ROBO1: variants seen among roughly 807,000 people sequenced by gnomAD.
ROBO1 encodes roundabout guidance receptor 1.
Under a neutral mutation model 195.9 loss-of-function variants are expected in ROBO1, and 149 were observed. The ratio of observed to expected loss-of-function variants is 0.76; its 90% CI spans 0.67 to 0.87. ROBO1 has a LOEUF of 0.87. Among genes scored for constraint, ROBO1 ranks in the 40% least tolerant of loss-of-function variants. The probability of loss-of-function intolerance (pLI) is 0.00; values close to 1 mark genes in which losing one functional copy is unlikely to be tolerated. For missense variants in ROBO1, 1,933 were observed against 2,068.3 expected (o/e 0.93, Z 1.27); for synonymous variants, 816 against 733.2 (o/e 1.11, Z -1.82).
At chr3:79,437,857 T>C (rs2038936685) in intron 2 of ROBO1, among the ~76,000 whole-genome samples, 1 of 151,986 alleles carries the variant, frequency 6.6e-6, no homozygotes, top group Non-Finnish European at 1.5e-5. Context: ...ATTCAAGTTG[T>C]ACACTTGGTG....
chr3:79,194,077 C>A (rs748358107), intron 2 of ROBO1, among the ~76,000 whole-genome samples: 1 of 151,604 alleles, frequency 6.6e-6, no homozygotes, highest in Non-Finnish European at 1.5e-5. Context: ...TAAATAAATA[C>A]GTAGAGTGGA....
At chr3:78,750,495 A>T (rs902326874) in intron 4 of ROBO1, among the ~76,000 whole-genome samples, 18 of 134,006 alleles carry the variant, frequency 1.3e-4, no homozygotes, top group African/African-American at 5.6e-4. Flanking sequence ...ATAAATAAAT[A>T]AATAAAATAA....
At chr3:78,839,054 G>A (rs2032974715) in intron 4 of ROBO1, among the ~76,000 whole-genome samples, 1 of 151,988 alleles carries the variant, frequency 6.6e-6, no homozygotes, top group Non-Finnish European at 1.5e-5. Flanking sequence ...TCATTTTTTA[G>A]GTCTATCATT....
chr3:78,683,198 G>T (rs1335280588), intron 10 of ROBO1, among the ~76,000 whole-genome samples: 1 of 151,930 alleles, frequency 6.6e-6, no homozygotes, highest in African/African-American at 2.4e-5. Flanking sequence ...CAAAATATGT[G>T]CAAAGCCTTT....
chr3:78,999,113 T>C (rs547547139), intron 3 of ROBO1, among the ~76,000 whole-genome samples: 4 of 152,170 alleles, frequency 2.6e-5, no homozygotes, highest in African/African-American at 9.6e-5. Flanking sequence ...TTATACACTG[T>C]TGGTGGGAAT....
At position 78,786,568 on chromosome 3, in the gene ROBO1, G is replaced by A. The variant is rs1329562171; in HGVS notation, c.500-39668C>T. Among the ~76,000 whole-genome samples the A allele has an allele frequency of 2.0e-5, 3 of 152,156 alleles. No individual in the cohort carries two copies. In the East Asian group the frequency reaches 5.8e-4, roughly 29 times the overall value. On this transcript the variant is annotated intron_variant, in intron 4 of 30. Transcript: ENST00000464233. ...CTCCCATAATCTCCACATGTCGTGG[G>A]AGGGACCCGGTAGGAGGTAATTACA...
At chr3:78,615,030 C>A (rs532957276) in intron 27 of ROBO1, among the ~76,000 whole-genome samples, 1 of 152,114 alleles carries the variant, frequency 6.6e-6, no homozygotes, top group African/African-American at 2.4e-5. Flanking sequence ...TGTTTTAAAC[C>A]GCAGTGCTTT....
intron 4 of ROBO1, among the ~76,000 whole-genome samples, chr3:78,857,236 A>C (rs557340566): frequency 6.6e-6 from 1 of 152,344 alleles, no homozygotes; most frequent in East Asian, 1.9e-4. Context: ...CTACATAAAA[A>C]AGGTTGTAGC....
At chr3:79,428,651 A>C (rs1444201847) in intron 2 of ROBO1, among the ~76,000 whole-genome samples, 2 of 152,178 alleles carry the variant, frequency 1.3e-5, no homozygotes, top group Non-Finnish European at 2.9e-5. Context: ...AGAGAAAAGG[A>C]AAACACATGC....
chr3:79,712,304 C>T (rs998639066), intron 1 of ROBO1, among the ~76,000 whole-genome samples: 2 of 152,100 alleles, frequency 1.3e-5, no homozygotes, highest in Non-Finnish European at 2.9e-5. Flanking sequence ...GTAAGTACTA[C>T]TCCAGTGAAC....
chr3:78,771,599 G>A (rs1487494044), intron 4 of ROBO1, among the ~76,000 whole-genome samples: 1 of 151,962 alleles, frequency 6.6e-6, no homozygotes, highest in Non-Finnish European at 1.5e-5. Context: ...TCTCCTTGTT[G>A]AACTCTTTCA....
intron 2 of ROBO1, among the ~76,000 whole-genome samples, chr3:79,157,471 G>C (rs959904826): frequency 2.0e-5 from 3 of 151,764 alleles, no homozygotes; most frequent in Admixed American, 2.0e-4. Flanking sequence ...TGTGTTGGAA[G>C]GAAAAAAACA....
At chr3:79,692,212 A>G (rs1467132869) in intron 1 of ROBO1, among the ~76,000 whole-genome samples, 3 of 151,920 alleles carry the variant, frequency 2.0e-5, no homozygotes, top group Non-Finnish European at 4.4e-5. Flanking sequence ...TTTAGAACAA[A>G]TGCAAAGCAG....
At chr3:79,214,520 G>A (rs897077059) in intron 2 of ROBO1, among the ~76,000 whole-genome samples, 12 of 151,904 alleles carry the variant, frequency 7.9e-5, no homozygotes, top group African/African-American at 2.9e-4. Context: ...ATTGTAAGGC[G>A]AATTCAACGT....
At chr3:78,785,297 C>G (rs1559853512) in intron 4 of ROBO1, among the ~76,000 whole-genome samples, 1 of 152,082 alleles carries the variant, frequency 6.6e-6, no homozygotes, top group South Asian at 2.1e-4. Context: ...AGTTTCTGTA[C>G]TTATTCCCTT....
At chr3:78,768,714 A>T (rs1576125145) in intron 4 of ROBO1, among the ~76,000 whole-genome samples, 1 of 151,716 alleles carries the variant, frequency 6.6e-6, no homozygotes, top group African/African-American at 2.4e-5. Flanking sequence ...GGTTAGTTAC[A>T]TATGTATACA....
At chr3:79,134,350 A>G (rs1212406682) in intron 2 of ROBO1, among the ~76,000 whole-genome samples, 2 of 116,116 alleles carry the variant, frequency 1.7e-5, no homozygotes, top group East Asian at 5.2e-4. Context: ...ATCATCTCAC[A>G]CCAGTTAGAA....
chr3:79,021,354 A>G (rs1358533809), intron 3 of ROBO1, among the ~76,000 whole-genome samples: 1 of 152,222 alleles, frequency 6.6e-6, no homozygotes, highest in Non-Finnish European at 1.5e-5. Context: ...CTTGAGAGAA[A>G]GAGAGCAAGA....
chr3:79,452,459 C>T (rs1290513264), intron 2 of ROBO1, among the ~76,000 whole-genome samples: 1 of 151,974 alleles, frequency 6.6e-6, no homozygotes, highest in Non-Finnish European at 1.5e-5. Context: ...TCCAATAGAA[C>T]GTATATTGGA....
Sources: allele counts gnomAD v4.1 joint callset (sites outside exome capture counted in the v4.1 genomes callset), GRCh38; gene constraint gnomAD v4.1.1; transcripts MANE v1.5; gene names NCBI Gene and HGNC (gene_info 2026-07-23, HGNC 2026-07-21).